The following C12orf42 variants were observed in gnomAD, a reference collection of about 807,000 sequenced individuals.
C12orf42 encodes uncharacterized protein C12orf42.
In C12orf42, 25 loss-of-function variants were observed where a neutral mutation model predicts 21.6. That is an observed-to-expected ratio of 1.16 (90% CI 0.84 to 1.62). The LOEUF (loss-of-function observed/expected upper bound fraction) is 1.62, where lower values mean the gene tolerates loss of function less well. Ranked by LOEUF, C12orf42 falls within the 40% of genes most tolerant of loss-of-function variation. The pLI is 0.00. For missense variants in C12orf42, 483 were observed against 459.3 expected (o/e 1.05, Z -0.47); for synonymous variants, 174 against 175.0 (o/e 0.99, Z 0.05).
the C12orf42 span, among the ~76,000 whole-genome samples, chr12:103,132,802 C>A: frequency 7.3e-6 from 1 of 136,606 alleles, no homozygotes; most frequent in East Asian, 2.2e-4. Context: ...CCACCGCTAC[C>A]GCAGCTGGGG....
the C12orf42 span, among the ~76,000 whole-genome samples, chr12:103,173,990 T>C: frequency 2.2e-4 from 33 of 152,284 alleles, no homozygotes; most frequent in African/African-American, 7.2e-4. Context: ...ATAAAAGAGA[T>C]TATGAATCCA....
chr12:103,302,530 C>G lies in C12orf42; in HGVS notation c.661G>C (p.Gly221Arg). The G allele has an allele frequency of 6.2e-7, 1 of 1,610,626 alleles. No homozygotes were observed. Among genetic ancestry groups the G allele is most frequent in the Non-Finnish European group, 8.5e-7 (1 of 1,178,496 alleles). The change falls in exon 6 of 6, where the codon GGC (glycine) becomes CGC (arginine). Residue 221 changes from glycine (G) to arginine (R), a missense_variant. Coordinates refer to ENST00000548883, the MANE Select transcript of C12orf42 (RefSeq NM_198521.5). Reference protein sequence around the residue: ...GSAARPSTAIGLCRRSQTPGA... With the variant: ...GSAARPSTAIRLCRRSQTPGA... ...GGCGTCTGGCTCCTCCTGCAGAGGCCGATGGCAGTGGAAGGTCTGGCGGCA... is the reference window on the plus strand; with the variant it reads ...GGCGTCTGGCTCCTCCTGCAGAGGCGGATGGCAGTGGAAGGTCTGGCGGCA...
At chr12:103,242,453 C>T (rs534007591) in intron 10 of C12orf42, among the ~76,000 whole-genome samples, 20 of 152,164 alleles carry the variant, frequency 1.3e-4, no homozygotes, top group East Asian at 5.8e-4. Context: ...GTGGTTTGAA[C>T]GAAAAGTTTA....
At chr12:103,111,317 A>G in the C12orf42 span, among the ~76,000 whole-genome samples, 2 of 152,228 alleles carry the variant, frequency 1.3e-5, no homozygotes, top group Non-Finnish European at 2.9e-5. Context: ...CATGTTTTGA[A>G]GTCAATGACT....
At chr12:103,166,944 C>T in the C12orf42 span, among the ~76,000 whole-genome samples, 2 of 151,978 alleles carry the variant, frequency 1.3e-5, no homozygotes, top group East Asian at 1.9e-4. Context: ...TTATCTTTAT[C>T]GACTCTTCTA....
At chr12:103,128,705 A>T in the C12orf42 span, among the ~76,000 whole-genome samples, 6 of 152,166 alleles carry the variant, frequency 3.9e-5, no homozygotes, top group African/African-American at 1.4e-4. Flanking sequence ...TATGGTAGGC[A>T]CTCAATACAT....
chr12:103,124,418 G>T, the C12orf42 span, among the ~76,000 whole-genome samples: 1 of 151,998 alleles, frequency 6.6e-6, no homozygotes, highest in South Asian at 2.1e-4. Flanking sequence ...CTGGCTACAG[G>T]GTTTTTACCC....
At chr12:103,433,145 C>CCGAGCA (rs1490218011) in intron 2 of C12orf42, among the ~76,000 whole-genome samples, 5 of 152,158 alleles carry the variant, frequency 3.3e-5, no homozygotes, top group African/African-American at 1.2e-4. Context: ...GCGGTTGTGT[C>CCGAGCA]CGAGCACCTA....
rs557576657 is a variant in C12orf42, at chr12:103,483,237, T to C, written c.-21-4790A>G. ...GATTTTGGGTGATGATGCGTGTAGGTTAATCAGTTGTAGCAAACGTACCAC... is the reference window on the plus strand; with the variant it reads ...GATTTTGGGTGATGATGCGTGTAGGCTAATCAGTTGTAGCAAACGTACCAC... On this transcript the variant is annotated intron_variant, in intron 1 of 5. Transcript: ENST00000548883. Among the ~76,000 whole-genome samples the C allele has an allele frequency of 2.3e-3, 347 of 152,232 alleles. 3 individuals are homozygous for C. Among genetic ancestry groups the C allele is most frequent in the African/African-American group, 7.9e-3 (329 of 41,542 alleles).
the C12orf42 span, among the ~76,000 whole-genome samples, chr12:103,519,659 TTG>T: frequency 6.6e-6 from 1 of 152,076 alleles, no homozygotes; most frequent in East Asian, 1.9e-4. Flanking sequence ...GAACATGGCC[TTG>T]TGCTTTAATG....
chr12:103,297,693 C>G (rs2037393202), downstream of C12orf42, among the ~76,000 whole-genome samples: 1 of 151,566 alleles, frequency 6.6e-6, no homozygotes, highest in Admixed American at 6.6e-5. Context: ...AGCATCGATG[C>G]AAAAATCCTC....
chr12:103,097,148 A>C, the C12orf42 span, among the ~76,000 whole-genome samples: 1 of 152,244 alleles, frequency 6.6e-6, no homozygotes, highest in Non-Finnish European at 1.5e-5. Context: ...ATATATTGAA[A>C]ATAACTAACC....
At chr12:103,409,693 A>G (rs1405650448) in intron 2 of C12orf42, among the ~76,000 whole-genome samples, 1 of 152,194 alleles carries the variant, frequency 6.6e-6, no homozygotes, top group Non-Finnish European at 1.5e-5. Context: ...ATCTTTTTTA[A>G]GATGAGTATG....
At chr12:103,359,775 C>A (rs116038797) in intron 4 of C12orf42, among the ~76,000 whole-genome samples, 36 of 151,988 alleles carry the variant, frequency 2.4e-4, no homozygotes, top group African/African-American at 8.7e-4. Context: ...AAGGCATATT[C>A]CAAGAGGGCA....
chr12:103,495,877 C>A (rs1295259466), intron 1 of C12orf42, 25 bp downstream of exon 1: 1 of 152,280 alleles, frequency 6.6e-6, no homozygotes, highest in Non-Finnish European at 1.5e-5. Context: ...TGCCAGGGGG[C>A]GAGTCCCGCG....
chr12:103,265,706 GGA>G (rs1361069556), downstream of C12orf42, among the ~76,000 whole-genome samples: 1 of 152,094 alleles, frequency 6.6e-6, no homozygotes, highest in African/African-American at 2.4e-5. Flanking sequence ...TGGGGGACCT[GGA>G]AACTGTCAGG....
intron 4 of C12orf42, among the ~76,000 whole-genome samples, chr12:103,325,265 G>A (rs1044917438): frequency 7.2e-5 from 11 of 152,152 alleles, no homozygotes; most frequent in African/African-American, 1.9e-4. Flanking sequence ...CTTTTTGAAC[G>A]ACGTTCTTGT....
At chr12:103,164,621 A>G in the C12orf42 span, 1 of 431,322 alleles carries the variant, frequency 2.3e-6, no homozygotes, top group Non-Finnish European at 4.7e-6. Context: ...TTTTCCATAT[A>G]CTTATACTAA....
chr12:103,064,334 C>T, the C12orf42 span, among the ~76,000 whole-genome samples: 1 of 152,188 alleles, frequency 6.6e-6, no homozygotes, highest in Non-Finnish European at 1.5e-5. Flanking sequence ...AATGGCAGCA[C>T]TCAACCATCA....
Sources: gnomAD v4.1 joint callset for allele counts (sites outside exome capture counted in the v4.1 genomes callset) on GRCh38, gnomAD v4.1.1 for gene constraint, MANE v1.5 for transcripts, NCBI Gene and HGNC (gene_info 2026-07-23, HGNC 2026-07-21) for gene names.